The following NXPH1 variants were observed in gnomAD, a reference collection of about 807,000 sequenced individuals.
NXPH1 encodes neurexophilin-1.
In NXPH1, 5 loss-of-function variants were observed where a neutral mutation model predicts 23.7. The observed-to-expected ratio is 0.21, with a 90% confidence interval of 0.11 to 0.44. NXPH1 has a LOEUF of 0.44. Among genes scored for constraint, NXPH1 ranks in the 20% least tolerant of loss-of-function variants. The pLI is 0.99. For missense variants in NXPH1, 324 were observed against 321.6 expected (o/e 1.01, Z -0.06); for synonymous variants, 144 against 122.2 (o/e 1.18, Z -1.18).
At chr7:8,653,453 T>C (rs1019760467) in intron 2 of NXPH1, among the ~76,000 whole-genome samples, 2 of 152,188 alleles carry the variant, frequency 1.3e-5, no homozygotes, top group South Asian at 2.1e-4. Flanking sequence ...AGAGAAGCAT[T>C]GCATTAGCTA....
intron 2 of NXPH1, among the ~76,000 whole-genome samples, chr7:8,724,151 T>G (rs1302965304): frequency 6.6e-6 from 1 of 152,162 alleles, no homozygotes; most frequent in Non-Finnish European, 1.5e-5. Flanking sequence ...GCTCACAGAA[T>G]AGGTGGTTCC....
intron 2 of NXPH1, among the ~76,000 whole-genome samples, chr7:8,709,447 C>T (rs990744205): frequency 8.5e-5 from 13 of 152,068 alleles, no homozygotes; most frequent in Admixed American, 2.0e-4. Flanking sequence ...TTGAGCATTG[C>T]AAACCTACTC....
intron 2 of NXPH1, among the ~76,000 whole-genome samples, chr7:8,560,537 T>C (rs2128620676): frequency 6.6e-6 from 1 of 151,840 alleles, no homozygotes; most frequent in Non-Finnish European, 1.5e-5. Flanking sequence ...TTGGCAAGTA[T>C]TTATTACCCT....
At chr7:8,438,036 G>A (rs1334454075) in intron 2 of NXPH1, among the ~76,000 whole-genome samples, 1 of 152,180 alleles carries the variant, frequency 6.6e-6, no homozygotes, top group African/African-American at 2.4e-5. Flanking sequence ...GTATTTCCAG[G>A]GATTGTAATC....
intron 2 of NXPH1, among the ~76,000 whole-genome samples, chr7:8,480,912 G>C (rs1209882356): frequency 6.6e-6 from 1 of 152,120 alleles, no homozygotes; most frequent in Non-Finnish European, 1.5e-5. Flanking sequence ...ATTTCTAAAG[G>C]TATTATTTTT....
chr7:8,661,140 G>C (rs1039400512), intron 2 of NXPH1, among the ~76,000 whole-genome samples: 4 of 151,858 alleles, frequency 2.6e-5, no homozygotes, highest in Non-Finnish European at 5.9e-5. Flanking sequence ...GGAATATTGA[G>C]GTGTCTTCAT....
chr7:8,590,062 T>C (rs1216866249), intron 2 of NXPH1, among the ~76,000 whole-genome samples: 1 of 152,090 alleles, frequency 6.6e-6, no homozygotes, highest in Non-Finnish European at 1.5e-5. Flanking sequence ...ACAGTGAGCC[T>C]GAAGTGAACA....
intron 2 of NXPH1, among the ~76,000 whole-genome samples, chr7:8,742,056 T>C (rs1027892461): frequency 6.6e-6 from 1 of 152,154 alleles, no homozygotes; most frequent in African/African-American, 2.4e-5. Context: ...AGTGAAAACA[T>C]GGGCACCACG....
chr7:8,727,123 C>T (rs1332607380), intron 2 of NXPH1, among the ~76,000 whole-genome samples: 2 of 148,004 alleles, frequency 1.4e-5, no homozygotes, highest in Non-Finnish European at 3.0e-5. Context: ...TTTTCGGCTG[C>T]ATAAATGTCT....
chr7:8,704,519 A>T (rs1484840557), intron 2 of NXPH1, among the ~76,000 whole-genome samples: 1 of 152,136 alleles, frequency 6.6e-6, no homozygotes, highest in Non-Finnish European at 1.5e-5. Flanking sequence ...AGATGCTGCC[A>T]ATGAGATAGC....
At chr7:8,527,674 A>G (rs1472765854) in intron 2 of NXPH1, among the ~76,000 whole-genome samples, 1 of 152,226 alleles carries the variant, frequency 6.6e-6, no homozygotes, top group Non-Finnish European at 1.5e-5. Flanking sequence ...CTCTGGCAGG[A>G]GAGAAATGAA....
At chr7:8,466,162 A>G (rs946756608) in intron 2 of NXPH1, among the ~76,000 whole-genome samples, 1 of 152,234 alleles carries the variant, frequency 6.6e-6, no homozygotes, top group Non-Finnish European at 1.5e-5. Flanking sequence ...ATACAAAAGG[A>G]TTAATGAGTT....
rs1024862420 is a variant in NXPH1 at position 8,679,832 on chromosome 7, C to A, written c.55-71176C>A. Among the ~76,000 whole-genome samples, 5 of 152,336 alleles carry A rather than the reference C, an allele frequency of 3.3e-5. No homozygotes were observed. The South Asian group carries it at 1.0e-3, about 32-fold the overall frequency. Reference sequence around the variant, plus strand: ...GGTCAGGAGTTCGAGACCAGCCTGACCAACATGGTGAAACTCTGTCTCTAC... The same window carrying A: ...GGTCAGGAGTTCGAGACCAGCCTGAACAACATGGTGAAACTCTGTCTCTAC... On this transcript the variant is annotated intron_variant, in intron 2 of 2. Transcript: ENST00000405863.
At chr7:8,578,783 G>A (rs774283921) in intron 2 of NXPH1, among the ~76,000 whole-genome samples, 3 of 152,194 alleles carry the variant, frequency 2.0e-5, no homozygotes, top group Non-Finnish European at 4.4e-5. Flanking sequence ...ACAGGGGGAA[G>A]CCAAAGTAAT....
chr7:8,713,067 A>G (rs1032762285), intron 2 of NXPH1, among the ~76,000 whole-genome samples: 2 of 151,744 alleles, frequency 1.3e-5, no homozygotes, highest in Non-Finnish European at 2.9e-5. Flanking sequence ...TTTTGTGGCT[A>G]TTTTCTAGAT....
intron 2 of NXPH1, among the ~76,000 whole-genome samples, chr7:8,519,244 G>GAAA: frequency 6.6e-6 from 1 of 152,070 alleles, no homozygotes; most frequent in East Asian, 1.9e-4. Context: ...TTATAAAAAA[G>GAAA]GTATTACATT....
At chr7:8,496,077 T>A (rs77174636) in intron 2 of NXPH1, among the ~76,000 whole-genome samples, 1 of 151,938 alleles carries the variant, frequency 6.6e-6, no homozygotes, top group Middle Eastern at 3.2e-3. Flanking sequence ...TGAAGTTATA[T>A]CAAATGAGTG....
At chr7:8,440,639 G>A (rs1816281644) in intron 2 of NXPH1, among the ~76,000 whole-genome samples, 1 of 152,084 alleles carries the variant, frequency 6.6e-6, no homozygotes, top group Non-Finnish European at 1.5e-5. Context: ...TGACAGCATT[G>A]TCCGGGTAAT....
chr7:8,730,907 G>A (rs1226776335), intron 2 of NXPH1, among the ~76,000 whole-genome samples: 2 of 151,220 alleles, frequency 1.3e-5, no homozygotes, highest in Non-Finnish European at 2.9e-5. Context: ...GATTGGGGAT[G>A]TTCTCCTGGA....
Sources: allele counts gnomAD v4.1 joint callset (sites outside exome capture counted in the v4.1 genomes callset), GRCh38; gene constraint gnomAD v4.1.1; transcripts MANE v1.5; gene names NCBI Gene and HGNC (gene_info 2026-07-23, HGNC 2026-07-21).